SLC45A4: variants seen among roughly 807,000 people sequenced by gnomAD.
SLC45A4 encodes the protein solute carrier family 45 member 4.
A neutral mutation model predicts 63.7 loss-of-function variants in SLC45A4; 32 were observed. The observed-to-expected ratio is 0.50, with a 90% CI of 0.38 to 0.67. The LOEUF is 0.67. Among genes scored for constraint, SLC45A4 ranks in the 30% least tolerant of loss-of-function variants. The pLI is 0.00. For missense variants in SLC45A4, 1,027 were observed against 1,157.7 expected (o/e 0.89, Z 1.64); for synonymous variants, 535 against 510.0 (o/e 1.05, Z -0.66).
Position 141,215,255 on chromosome 8 carries a change from A to T in SLC45A4, c.1941+504T>A, listed in dbSNP as rs1231171051. Among the ~76,000 whole-genome samples, 1 of 152,226 alleles carries T rather than the reference A, an allele frequency of 6.6e-6. No individual in the cohort carries two copies. Among genetic ancestry groups the T allele is most frequent in the Admixed American group, 6.5e-5 (1 of 15,282 alleles). ...ACACACAATTTCAACGATGAGCAAG[A>T]GTGTAAGGTATCTCGATGACTTTTT... On this transcript the variant is annotated intron_variant, in intron 7 of 8. Coordinates refer to ENST00000517878, the MANE Select transcript of SLC45A4 (RefSeq NM_001286646.2). The surrounding 1 kb of genome is among the most constrained non-coding windows in gnomAD (Gnocchi z 4.3).
intron 1 of SLC45A4, among the ~76,000 whole-genome samples, chr8:141,280,275 C>G (rs1024916345): frequency 1.1e-4 from 16 of 152,172 alleles, no homozygotes; most frequent in African/African-American, 3.6e-4. Context: ...GGCGGGACTG[C>G]GACTCTGTCT....
chr8:141,228,066 G>T, intron 2 of SLC45A4: 1 of 1,312,898 alleles, frequency 7.6e-7, no homozygotes, highest in Non-Finnish European at 1.1e-6. Context: ...GAGCCCTGAG[G>T]GGAGAGCTGT....
intron 1 of SLC45A4, among the ~76,000 whole-genome samples, chr8:141,307,415 A>T (rs1451180714): frequency 6.6e-6 from 1 of 152,034 alleles, no homozygotes; most frequent in East Asian, 1.9e-4. Context: ...TGCCGATGAG[A>T]CCGGGGCAGA....
Position 141,218,284 on chromosome 8 carries a change from C to T in SLC45A4, c.1356G>A (p.Ser452=), listed in dbSNP as rs781046579. The T allele has an allele frequency of 3.5e-5, 56 of 1,604,578 alleles. No homozygotes were observed. Among genetic ancestry groups the T allele is most frequent in the Admixed American group, 1.8e-4 (11 of 59,994 alleles). Residue 452 remains serine (S), a synonymous_variant, in exon 5 of 9, where the codon TCG becomes TCA. Transcript: ENST00000517878. ...TGTCGTACAGGTCGCTCATGCTGCG[C>T]GACGGCTTGATCAGCACCACGGCGT... ...RANAVVLIKP[S]RSMSDLYDMQ...
At chr8:141,228,377 C>A (rs747909846) in intron 2 of SLC45A4, 85 of 1,537,572 alleles carry the variant, frequency 5.5e-5, no homozygotes, top group Middle Eastern at 2.4e-4. Context: ...GGCTAGAGGC[C>A]CCTGGCCAGA....
In SLC45A4 at chr8:141,218,340, C is replaced by T. The variant is rs1826319920; in HGVS notation, c.1300G>A (p.Gly434Arg). ...CGCCGGTAGCGGTAGCAGTGGGACC[C>T]AAGCTTGCCGTAGTAGGAGAAGGTG... ...SSTFSYYGKLGSHCYRYRRAN... is the reference protein window; with the variant it reads ...SSTFSYYGKLRSHCYRYRRAN... Residue 434 changes from glycine to arginine, a missense_variant, in exon 5 of 9, where the codon GGG becomes AGG. Physicochemically the swap from Gly to Arg is moderately radical, Grantham distance 125. Transcript: ENST00000517878. 3 of 1,608,060 alleles carry T rather than the reference C, an allele frequency of 1.9e-6. No individual in the cohort carries two copies. Among genetic ancestry groups the T allele is most frequent in the Non-Finnish European group, 2.5e-6 (3 of 1,179,860 alleles).
rs1827220257 is a variant in SLC45A4 at position 141,229,418 on chromosome 8, GA to G, written c.242-7654del. Among the ~76,000 whole-genome samples, 1 of 151,832 alleles carries G rather than the reference GA, an allele frequency of 6.6e-6. No individual in the cohort carries two copies. The highest frequency in any genetic ancestry group is 2.4e-5 in the African/African-American group (1 of 41,322). On this transcript the variant is annotated intron_variant, in intron 2 of 8. Coordinates refer to ENST00000517878, the MANE Select transcript of SLC45A4 (RefSeq NM_001286646.2). The surrounding 1 kb of genome is among the most constrained non-coding windows in gnomAD (Gnocchi z 5.0). ...CCACCCCACCCTACCTCCTCTTCTAGAAAACACCAGGCTCACATCCCGCTCA... is the reference window on the plus strand; with the variant it reads ...CCACCCCACCCTACCTCCTCTTCTAGAAACACCAGGCTCACATCCCGCTCA...
intron 1 of SLC45A4, among the ~76,000 whole-genome samples, chr8:141,303,279 G>A (rs1193987142): frequency 1.3e-5 from 2 of 151,124 alleles, no homozygotes; most frequent in Non-Finnish European, 1.5e-5. Context: ...CTATAGGCAC[G>A]TGCCATCGTG....
At chr8:141,288,334 T>C (rs540896917) in intron 1 of SLC45A4, among the ~76,000 whole-genome samples, 1 of 152,146 alleles carries the variant, frequency 6.6e-6, no homozygotes, top group Non-Finnish European at 1.5e-5. Flanking sequence ...GAAAAGGAGA[T>C]GCAAATGGCA....
At chr8:141,283,336 C>T (rs1251469035) in intron 1 of SLC45A4, among the ~76,000 whole-genome samples, 1 of 152,168 alleles carries the variant, frequency 6.6e-6, no homozygotes, top group Non-Finnish European at 1.5e-5. Flanking sequence ...GTGGCAGTGC[C>T]TGGCCTCCTA....
chr8:141,269,973 T>C (rs148480437), intron 1 of SLC45A4, among the ~76,000 whole-genome samples: 2 of 152,240 alleles, frequency 1.3e-5, no homozygotes, highest in Non-Finnish European at 2.9e-5. Context: ...CGCACTCCTC[T>C]GCTGACCATA....
intron 2 of SLC45A4, among the ~76,000 whole-genome samples, chr8:141,230,786 A>G (rs374111890): frequency 1.3e-4 from 19 of 151,824 alleles, no homozygotes; most frequent in African/African-American, 4.3e-4. Context: ...AGAAATGAAA[A>G]GAAGAGAAAT....
At chr8:141,300,786 A>C (rs1286766210) in intron 1 of SLC45A4, among the ~76,000 whole-genome samples, 2 of 152,254 alleles carry the variant, frequency 1.3e-5, no homozygotes, top group African/African-American at 4.8e-5. Context: ...TAGCCCAACC[A>C]GATGAAAATG....
intron 2 of SLC45A4, among the ~76,000 whole-genome samples, chr8:141,238,354 T>TAA (rs1160502689): frequency 3.9e-5 from 6 of 152,184 alleles, no homozygotes; most frequent in Admixed American, 2.0e-4. Context: ...TTAATCCCTG[T>TAA]GAGCGCACAG....
At chr8:141,212,767 G>A (rs765701630) in intron 7 of SLC45A4, among the ~76,000 whole-genome samples, 2 of 152,202 alleles carry the variant, frequency 1.3e-5, no homozygotes, top group African/African-American at 2.4e-5. Flanking sequence ...AGCTCAAGGA[G>A]AGGGCAGGCG....
intron 1 of SLC45A4, among the ~76,000 whole-genome samples, chr8:141,258,030 T>A (rs537300755): frequency 6.6e-6 from 1 of 151,904 alleles, no homozygotes; most frequent in Non-Finnish European, 1.5e-5. Flanking sequence ...ATGGTCTCTG[T>A]TGTACATTCT....
intron 1 of SLC45A4, among the ~76,000 whole-genome samples, chr8:141,280,628 C>A (rs1233911081): frequency 6.6e-6 from 1 of 152,200 alleles, no homozygotes; most frequent in African/African-American, 2.4e-5. Flanking sequence ...AACAGCCAGG[C>A]TGAGTGGGTG....
In SLC45A4 at chr8:141,254,010, T is replaced by C. The variant is rs1015879196; in HGVS notation, c.220A>G (p.Thr74Ala). ...FCYAMETALVTPILLQIGLPE... is the reference protein window; with the variant it reads ...FCYAMETALVAPILLQIGLPE... ...TTACCAATCTGCAACAGTATTGGTGTGACCAGAGCGGTTTCCATGGCGTAA... is the reference window on the plus strand; with the variant it reads ...TTACCAATCTGCAACAGTATTGGTGCGACCAGAGCGGTTTCCATGGCGTAA... The change falls in exon 2 of 9, where the codon ACA (threonine) becomes GCA (alanine). Residue 74 changes from threonine (T) to alanine (A), a missense_variant. By Grantham distance (58) the Thr-to-Ala change is moderately conservative. Transcript: ENST00000517878. This position sits in a 1 kb window ranked among gnomAD's most constrained non-coding sequence, Gnocchi z 4.5. The C allele has an allele frequency of 6.5e-7, 1 of 1,536,178 alleles. No individual in the cohort carries two copies. Among genetic ancestry groups the C allele is most frequent in the Non-Finnish European group, 8.7e-7 (1 of 1,146,918 alleles).
intron 2 of SLC45A4, among the ~76,000 whole-genome samples, chr8:141,239,611 C>T (rs1032188883): frequency 6.6e-6 from 1 of 152,214 alleles, no homozygotes; most frequent in Non-Finnish European, 1.5e-5. Context: ...CACGCACACA[C>T]ACAGCATCAT....
Sources: allele counts gnomAD v4.1 joint callset (sites outside exome capture counted in the v4.1 genomes callset), GRCh38; gene constraint gnomAD v4.1.1; non-coding constraint Gnocchi (gnomAD v3.1); transcripts MANE v1.5; gene names NCBI Gene and HGNC (gene_info 2026-07-23, HGNC 2026-07-21).